The following PIP4P1 variants were observed in gnomAD, a reference collection of about 807,000 sequenced individuals.
PIP4P1 encodes type 1 phosphatidylinositol 4,5-bisphosphate 4-phosphatase.
Under a neutral mutation model 32.3 loss-of-function variants are expected in PIP4P1, and 14 were observed. That is an observed-to-expected ratio of 0.43 (90% CI 0.29 to 0.68). PIP4P1 has a LOEUF of 0.68. PIP4P1 is among the 30% of genes least tolerant of loss of function. The pLI is 0.15. For synonymous variants in PIP4P1, 132 were observed against 137.9 expected (o/e 0.96, Z 0.30); for missense variants, 289 against 364.5 (o/e 0.79, Z 1.69).
Position 20,460,772 on chromosome 14 carries a change from A to C in PIP4P1, c.216T>G (p.Thr72=). The change falls in exon 2 of 7, where the codon ACT becomes ACG. Residue 72 remains threonine, a synonymous_variant. Transcript: ENST00000250489. ...GEDPPPYSPL[T]SPDSGSAPMI... is the part of the protein sequence containing the mutation. ...TAGGGGCACTCCCACTGTCCGGGCT[A>C]GTTAAGGGTGAATAGGGGGGTGGGT... 6.2e-7 allele frequency: 1 copy of C among 1,608,960 alleles called. No individual in the cohort carries two copies. Among genetic ancestry groups the C allele is most frequent in the Non-Finnish European group, 8.5e-7 (1 of 1,177,648 alleles).
intron 6 of PIP4P1, 150 bp downstream of exon 6, chr14:20,459,056 C>T: frequency 1.3e-6 from 1 of 773,796 alleles, no homozygotes; most frequent in Admixed American, 2.7e-5. Flanking sequence ...GTTTGATCAG[C>T]CACTTTGCAC....
At chr14:20,460,003 A>C (rs1881641083) in intron 3 of PIP4P1, 189 bp downstream of exon 3, 1 of 634,632 alleles carries the variant, frequency 1.6e-6, no homozygotes, top group African/African-American at 1.8e-5. Flanking sequence ...CCGAAACGAC[A>C]TCATTTCATC....
At chr14:20,459,541 CA>C in intron 4 of PIP4P1, 86 bp downstream of exon 4, 1 of 1,575,010 alleles carries the variant, frequency 6.3e-7, no homozygotes, top group Middle Eastern at 1.7e-4. Flanking sequence ...ACAGACCTTT[CA>C]GGGGTCATTA....
intron 2 of PIP4P1, 93 bp downstream of exon 2, chr14:20,460,562 T>C (rs1417594853): frequency 7.3e-7 from 1 of 1,376,884 alleles, no homozygotes; most frequent in African/African-American, 1.4e-5. Context: ...TCAAAAGCAC[T>C]TGGCTAATAG....
At position 20,458,109 on chromosome 14, in the gene PIP4P1, GACTGAGGGT is replaced by G. The variant is rs1447463914; in HGVS notation, c.*441_*449del. 3.9e-5 allele frequency: 14 copies of G among 363,600 alleles called. No homozygotes were observed. The East Asian group carries it at 9.4e-4, about 24-fold the overall frequency. 22.5% of individuals were successfully genotyped at this position (363,600 alleles called of 1,614,324 possible). Reference sequence around the variant, plus strand: ...CACAGGACACAATGTGGGGAGAGGAGACTGAGGGTACTGAGGCCAGAGCCAACCTCTGGT... The same window carrying G: ...CACAGGACACAATGTGGGGAGAGGAGACTGAGGCCAGAGCCAACCTCTGGT... On this transcript the variant is annotated 3_prime_UTR_variant, in exon 7 of 7. Transcript: ENST00000250489.
In PIP4P1 at chr14:20,460,451, T is replaced by A. The variant is rs141869405; in HGVS notation, c.334-153A>T. Reference sequence around the variant, plus strand: ...TATCATGAGATTTGCAAATAGGAACTAGGCTAGGTGTAAAAGTGAGAGAAA... The same window carrying A: ...TATCATGAGATTTGCAAATAGGAACAAGGCTAGGTGTAAAAGTGAGAGAAA... On this transcript the variant is annotated intron_variant, in intron 2 of 6. Transcript: ENST00000250489. 4.4e-3 allele frequency: 3,288 copies of A among 748,110 alleles called. 140 individuals are homozygous for A. The Admixed American group carries it at 0.079, about 18-fold the overall frequency. The allele number at this position is 748,110 out of a possible 1,614,324, so 46.3% of individuals were successfully genotyped here.
In PIP4P1 at chr14:20,458,372, G is replaced by A; in HGVS notation, c.*187C>T. The A allele has an allele frequency of 1.2e-6, 1 of 813,094 alleles. No homozygotes were observed. Among genetic ancestry groups the A allele is most frequent in the East Asian group, 2.7e-5 (1 of 37,618 alleles). 50.4% of individuals were successfully genotyped at this position (813,094 alleles called of 1,614,324 possible). A position where few individuals can be genotyped will look rare whatever the true frequency, so the allele number is the denominator to read the frequency against. On this transcript the variant is annotated 3_prime_UTR_variant, in exon 7 of 7. Transcript: ENST00000250489. ...CTTGGAGGAAAGCAGATGGTCAGCA[G>A]TGCTCTTATCTGCCCCTCCAAACCT...
In PIP4P1 at chr14:20,457,895, A is replaced by G. The variant is rs542618873; in HGVS notation, c.*664T>C. 158 of 345,044 alleles carry G rather than the reference A, an allele frequency of 4.6e-4. No homozygotes were observed. Among genetic ancestry groups the G allele is most frequent in the Non-Finnish European group, 7.5e-4 (135 of 178,944 alleles). The allele number at this position is 345,044 out of a possible 1,614,324, so 21.4% of individuals were successfully genotyped here. A position where few individuals can be genotyped will look rare whatever the true frequency, so the allele number is the denominator to read the frequency against. Reference sequence around the variant, plus strand: ...CTTATTTATTTACAAGCACAGGATAAGTCCCTAACCTCCCCCAAAGACTGA... The same window carrying G: ...CTTATTTATTTACAAGCACAGGATAGGTCCCTAACCTCCCCCAAAGACTGA... On this transcript the variant is annotated 3_prime_UTR_variant, in exon 7 of 7. Coordinates refer to ENST00000250489, the MANE Select transcript of PIP4P1 (RefSeq NM_144568.4).
chr14:20,460,215 C>A lies in PIP4P1; in HGVS notation c.417G>T (p.Arg139=), dbSNP rs754824766. 6.2e-7 allele frequency: 1 copy of A among 1,613,998 alleles called. No homozygotes were observed. Among genetic ancestry groups the A allele is most frequent in the African/African-American group, 1.3e-5 (1 of 74,904 alleles). ...CLLICKVTSQ[R]IACPRPYCKR... ...ACCAGTAGGGCCGAGGGCATGCAAT[C>A]CGTTGGGATGTCACTTTGCAGATAA... Residue 139 remains arginine, a synonymous_variant, in exon 3 of 7, where the codon CGG becomes CGT. Transcript: ENST00000250489.
chr14:20,458,258 G>A lies in PIP4P1; in HGVS notation c.*301C>T, dbSNP rs1219817342. The A allele has an allele frequency of 3.5e-6, 2 of 566,268 alleles. No homozygotes were observed. Among genetic ancestry groups the A allele is most frequent in the Non-Finnish European group, 6.7e-6 (2 of 298,498 alleles). The allele number at this position is 566,268 out of a possible 1,614,324, so 35.1% of individuals were successfully genotyped here. On this transcript the variant is annotated 3_prime_UTR_variant, in exon 7 of 7. Transcript: ENST00000250489. ...GTAAGGGACAGGAATGGCTCTCAGGGAGCACACAGGAAGGACAAGGCTGGA... is the reference window on the plus strand; with the variant it reads ...GTAAGGGACAGGAATGGCTCTCAGGAAGCACACAGGAAGGACAAGGCTGGA...
chr14:20,461,135 G>C (rs1381468409), intron 1 of PIP4P1, 49 bp downstream of exon 1: 8 of 1,266,956 alleles, frequency 6.3e-6, no homozygotes, highest in Non-Finnish European at 8.0e-6. Flanking sequence ...AGTACCCCGG[G>C]GAGCACCTCG....
rs953667398 is a variant in PIP4P1 at position 20,461,191 on chromosome 14, G to A, written c.135C>T (p.Tyr45=). The A allele has an allele frequency of 1.7e-5, 22 of 1,259,032 alleles. No individual in the cohort carries two copies. In the Admixed American group the frequency reaches 3.9e-4, roughly 22 times the overall value. 78.0% of individuals were successfully genotyped at this position (1,259,032 alleles called of 1,614,324 possible). A position where few individuals can be genotyped will look rare whatever the true frequency, so the allele number is the denominator to read the frequency against. The stretch of plus-strand genomic sequence containing the variant: ...GGGGCGGGGCATGTTTACCGGCTCC[G>A]TACGGTGGTGCGGAGGGGGTCAGGC... The part of the protein sequence containing the change: ...GGGLTPSAPP[Y]GAAFPPFPEG... Residue 45 remains tyrosine (Y), a synonymous_variant, in exon 1 of 7, where the codon TAC becomes TAT. Transcript: ENST00000250489.
In PIP4P1 at chr14:20,458,277, G is replaced by A; in HGVS notation, c.*282C>T. The stretch of plus-strand genomic sequence containing the variant: ...CTCAGGGAGCACACAGGAAGGACAA[G>A]GCTGGAACCGTCTTCAGGGCCCAGT... On this transcript the variant is annotated 3_prime_UTR_variant, in exon 7 of 7. Coordinates refer to ENST00000250489, the MANE Select transcript of PIP4P1 (RefSeq NM_144568.4). 1.9e-6 allele frequency: 1 copy of A among 529,260 alleles called. No homozygotes were observed. The highest frequency in any genetic ancestry group is 3.6e-6 in the Non-Finnish European group (1 of 275,376). The allele number at this position is 529,260 out of a possible 1,614,324, so 32.8% of individuals were successfully genotyped here.
At chr14:20,460,461 G>A (rs1881658519) in intron 2 of PIP4P1, 163 bp from the exon 3 acceptor site, 1 of 754,130 alleles carries the variant, frequency 1.3e-6, no homozygotes, top group African/African-American at 1.8e-5. Flanking sequence ...TAGGCTAGGT[G>A]TAAAAGTGAG....
At chr14:20,459,997 AACG>A in intron 3 of PIP4P1, 192 bp downstream of exon 3, 1 of 630,374 alleles carries the variant, frequency 1.6e-6, no homozygotes, top group South Asian at 1.9e-5. Context: ...TATTCTCCGA[AACG>A]ACATCATTTC....
At position 20,461,334 on chromosome 14, in the gene PIP4P1, C is replaced by A; in HGVS notation, c.-9G>T. ...TCTCCATCTGCCGCCATGGCCGCCA[C>A]CGCCGCCTCCCGCTCAGGTCGGCGA... is the stretch of plus-strand genomic sequence containing the variant. On this transcript the variant is annotated 5_prime_UTR_variant, in exon 1 of 7. Transcript: ENST00000250489. The A allele has an allele frequency of 7.8e-7, 1 of 1,279,172 alleles. No homozygotes were observed. The highest frequency in any genetic ancestry group is 9.9e-7 in the Non-Finnish European group (1 of 1,013,528). The allele number at this position is 1,279,172 out of a possible 1,614,324, so 79.2% of individuals were successfully genotyped here. A position where few individuals can be genotyped will look rare whatever the true frequency, so the allele number is the denominator to read the frequency against.
At position 20,461,393 on chromosome 14, in the gene PIP4P1, C is replaced by A; in HGVS notation, c.-68G>T. 3 of 1,230,094 alleles carry A rather than the reference C, an allele frequency of 2.4e-6. No individual in the cohort carries two copies. The highest frequency in any genetic ancestry group is 3.0e-6 in the Non-Finnish European group (3 of 985,412). The allele number at this position is 1,230,094 out of a possible 1,614,324, so 76.2% of individuals were successfully genotyped here. On this transcript the variant is annotated 5_prime_UTR_variant, in exon 1 of 7. Transcript: ENST00000250489. ...CCTTCGCCTCTGCCGTCGCCGCAGCCACCGCCACCGCCGCCACCGCCACCG... is the reference window on the plus strand; with the variant it reads ...CCTTCGCCTCTGCCGTCGCCGCAGCAACCGCCACCGCCGCCACCGCCACCG...
At position 20,458,439 on chromosome 14, in the gene PIP4P1, G is replaced by A. The variant is rs1855688130; in HGVS notation, c.*120C>T. The A allele has an allele frequency of 1.4e-6, 2 of 1,446,520 alleles. No individual in the cohort carries two copies. The highest frequency in any genetic ancestry group is 2.4e-5 in the South Asian group (2 of 83,452). The allele number at this position is 1,446,520 out of a possible 1,614,324, so 89.6% of individuals were successfully genotyped here. On this transcript the variant is annotated 3_prime_UTR_variant, in exon 7 of 7. Transcript: ENST00000250489. ...CCTTCCTACCTCTCCCCAGGGAAAA[G>A]GAAGGCAGCTGCTTGGCTTCCTTCT...
rs767727833 is a variant in PIP4P1, at chr14:20,461,252, A to T, written c.74T>A (p.Val25Glu). 1.6e-6 allele frequency: 2 copies of T among 1,275,286 alleles called. No homozygotes were observed. The highest frequency in any genetic ancestry group is 6.9e-5 in the Admixed American group (2 of 28,778). The allele number at this position is 1,275,286 out of a possible 1,614,324, so 79.0% of individuals were successfully genotyped here. A position where few individuals can be genotyped will look rare whatever the true frequency, so the allele number is the denominator to read the frequency against. ...IDGGAGGNGL[V>E]GPGGSGAGPG... is the part of the protein sequence containing the mutation. ...CCCAGCCCCACTCCCGCCGGGCCCC[A>T]CTAAACCGTTGCCGCCCGCGCCACC... Residue 25 changes from valine (V) to glutamate (E), a missense_variant, in exon 1 of 7, where the codon GTG becomes GAG. By Grantham distance (121) the Val-to-Glu change is moderately radical. Coordinates refer to ENST00000250489, the MANE Select transcript of PIP4P1 (RefSeq NM_144568.4).
Sources: gnomAD v4.1 joint callset for allele counts on GRCh38, gnomAD v4.1.1 for gene constraint, MANE v1.5 for transcripts, NCBI Gene and HGNC (gene_info 2026-07-23, HGNC 2026-07-21) for gene names.